The following SAFB2 variants were observed in gnomAD, a reference collection of about 807,000 sequenced individuals.
SAFB2 encodes scaffold attachment factor B2.
A neutral mutation model predicts 100.6 loss-of-function variants in SAFB2; 32 were observed. The ratio of observed to expected loss-of-function variants is 0.32; its 90% CI spans 0.24 to 0.43. The LOEUF (loss-of-function observed/expected upper bound fraction) is 0.43. SAFB2 is among the 20% of genes least tolerant of loss of function. The pLI, the probability that SAFB2 is intolerant of heterozygous loss-of-function variation, is 1.00. For missense variants in SAFB2, 1,185 were observed against 1,163.4 expected, an observed-to-expected ratio of 1.02 and a Z score of -0.27; for synonymous variants, 500 against 439.4, an observed-to-expected ratio of 1.14 and a Z score of -1.72.
At position 5,587,106 on chromosome 19, in the gene SAFB2, G is replaced by T; in HGVS notation, c.*137C>A. ...ATTTATTTAAAAAAAAAAAAAAAGT[G>T]AGTTCACATTGTATTGAGCTACAAC... On this transcript the variant is annotated 3_prime_UTR_variant, in exon 21 of 21. Coordinates refer to ENST00000252542, the MANE Select transcript of SAFB2 (RefSeq NM_014649.3). This position sits in a 1 kb window ranked among gnomAD's most constrained non-coding sequence, Gnocchi z 4.9. The T allele has an allele frequency of 3.9e-6, 4 of 1,038,354 alleles. No homozygotes were observed. The highest frequency in any genetic ancestry group is 2.4e-5 in the Admixed American group (1 of 40,982). The allele number at this position is 1,038,354 out of a possible 1,614,324, so 64.3% of individuals were successfully genotyped here.
rs1248524502 is a variant in SAFB2 at position 5,622,765 on chromosome 19, T to G, written c.-50A>C. 1.9e-6 allele frequency: 3 copies of G among 1,549,348 alleles called. No homozygotes were observed. The East Asian group carries it at 7.2e-5, about 37-fold the overall frequency. On this transcript the variant is annotated 5_prime_UTR_variant, in exon 1 of 21. Coordinates refer to ENST00000252542, the MANE Select transcript of SAFB2 (RefSeq NM_014649.3). ...GACTCAGTCGCACACCGCCGGCAGC[T>G]ATAGCGGCTCTGAACACAAAATGGC...
chr19:5,595,210 CCT>C, intron 14 of SAFB2, 149 bp downstream of exon 14: 1 of 1,044,024 alleles, frequency 9.6e-7, no homozygotes, highest in Non-Finnish European at 1.4e-6. Context: ...GGTGCTGGCC[CCT>C]GCCTCGAGGA....
At chr19:5,618,986 A>T (rs1490718488) in intron 2 of SAFB2, among the ~76,000 whole-genome samples, 1 of 152,222 alleles carries the variant, frequency 6.6e-6, no homozygotes, top group African/African-American at 2.4e-5. Flanking sequence ...TAATGAGGAC[A>T]CTTTTCCCTC....
At chr19:5,609,611 CACAAG>C (rs1188323623) in intron 9 of SAFB2, among the ~76,000 whole-genome samples, 1 of 152,130 alleles carries the variant, frequency 6.6e-6, no homozygotes, top group Non-Finnish European at 1.5e-5. Flanking sequence ...TTAAGTTTTG[CACAAG>C]ACAAAAGACC....
chr19:5,591,010 GC>G (rs2052386680), intron 17 of SAFB2, among the ~76,000 whole-genome samples: 1 of 152,118 alleles, frequency 6.6e-6, no homozygotes, highest in African/African-American at 2.4e-5. Context: ...GTGGTCTTCA[GC>G]CCCCCGTGCC....
At position 5,587,808 on chromosome 19, in the gene SAFB2, G is replaced by A. The variant is rs757427335; in HGVS notation, c.2639-41C>T. ...GGTCTGCAAACACTCCGTTCCTGGG[G>A]AAGCCCCTGGACACATGTGGGGGCC... is the stretch of plus-strand genomic sequence containing the variant. On this transcript the variant is annotated intron_variant, in intron 19 of 20. Coordinates refer to ENST00000252542, the MANE Select transcript of SAFB2 (RefSeq NM_014649.3). This position sits in a 1 kb window ranked among gnomAD's most constrained non-coding sequence, Gnocchi z 4.9. The A allele has an allele frequency of 1.2e-4, 190 of 1,562,748 alleles. No homozygotes were observed. Among genetic ancestry groups the A allele is most frequent in the Admixed American group, 4.2e-4 (22 of 52,326 alleles).
Position 5,587,946 on chromosome 19 carries a change from G to A in SAFB2, c.2560C>T (p.Leu854=). 6.2e-7 allele frequency: 1 copy of A among 1,612,980 alleles called. No individual in the cohort carries two copies. Among genetic ancestry groups the A allele is most frequent in the Non-Finnish European group, 8.5e-7 (1 of 1,179,922 alleles). ...CAGGCGCGTGCCTGGTGCTCCTCTA[G>A]CCGCTGGTTGTGCTCTCCCCAGTCA... ...GRDWGEHNQR[L]EEHQARAWQG... The change falls in exon 19 of 21, where the codon CTA becomes TTA. Residue 854 remains leucine, a synonymous_variant. Coordinates refer to ENST00000252542, the MANE Select transcript of SAFB2 (RefSeq NM_014649.3). This position sits in a 1 kb window ranked among gnomAD's most constrained non-coding sequence, Gnocchi z 4.9.
chr19:5,590,781 G>A (rs1230230803), intron 17 of SAFB2, among the ~76,000 whole-genome samples: 1 of 152,182 alleles, frequency 6.6e-6, no homozygotes, highest in African/African-American at 2.4e-5. Flanking sequence ...CAGCCCCCCT[G>A]TGCTCTGGCA....
chr19:5,613,252 CTTCT>C (rs1227008244), intron 5 of SAFB2, among the ~76,000 whole-genome samples: 2 of 152,210 alleles, frequency 1.3e-5, no homozygotes, highest in Non-Finnish European at 2.9e-5. Context: ...CCTCATCACA[CTTCT>C]TTCTCCCTTC....
chr19:5,591,598 G>A (rs944941610), intron 17 of SAFB2, 150 bp downstream of exon 17: 6 of 657,352 alleles, frequency 9.1e-6, no homozygotes, highest in Non-Finnish European at 1.6e-5. Flanking sequence ...ACTTCTAGTC[G>A]CTGGCCAGAA....
intron 16 of SAFB2, 90 bp from the exon 17 acceptor site, chr19:5,591,883 T>A: frequency 8.2e-7 from 1 of 1,214,982 alleles, no homozygotes; most frequent in Non-Finnish European, 1.2e-6. Context: ...GGATACTTTT[T>A]CCATCCCATC....
intron 2 of SAFB2, among the ~76,000 whole-genome samples, chr19:5,618,823 G>A (rs1049778259): frequency 2.0e-5 from 3 of 152,238 alleles, no homozygotes; most frequent in African/African-American, 7.2e-5. Flanking sequence ...ACGAAAAGCT[G>A]CCGCTGCTGG....
intron 18 of SAFB2, among the ~76,000 whole-genome samples, chr19:5,589,592 G>C (rs547861900): frequency 6.6e-6 from 1 of 152,210 alleles, no homozygotes; most frequent in East Asian, 1.9e-4. Flanking sequence ...GCCTCCTCAC[G>C]GCCAGCCCAG....
rs781441191 is a variant in SAFB2, at chr19:5,592,730, G to T, written c.2348+17C>A. ...CCCACAATGACTGTAGCTAAAGGAG[G>T]GGACAAGACCACTGACCTGTCGATG... On this transcript the variant is annotated intron_variant, in intron 16 of 20. Transcript: ENST00000252542. 8 of 1,613,412 alleles carry T rather than the reference G, an allele frequency of 5.0e-6. No homozygotes were observed. The East Asian group carries it at 1.8e-4, about 36-fold the overall frequency.
chr19:5,613,960 C>T (rs2052967568), intron 4 of SAFB2, among the ~76,000 whole-genome samples: 1 of 152,184 alleles, frequency 6.6e-6, no homozygotes. Flanking sequence ...CATTCATTCA[C>T]TCATTCATTT....
rs80203600 is a variant in SAFB2, at chr19:5,600,853, A to T, written c.1560-593T>A. Among the ~76,000 whole-genome samples, 465 of 152,348 alleles carry T rather than the reference A, an allele frequency of 3.1e-3. 1 individual carries two copies. The highest frequency in any genetic ancestry group is 0.011 in the African/African-American group (449 of 41,580). On this transcript the variant is annotated intron_variant, in intron 11 of 20. Coordinates refer to ENST00000252542, the MANE Select transcript of SAFB2 (RefSeq NM_014649.3). ...GTTAAGTGCCATTTCAACCAAAGGC[A>T]ACTTTCTTCTAAGCAGTGAAATAAA... is the stretch of plus-strand genomic sequence containing the variant.
At chr19:5,604,531 C>T in intron 11 of SAFB2, 52 bp downstream of exon 11, 4 of 1,401,224 alleles carry the variant, frequency 2.9e-6, no homozygotes, top group Non-Finnish European at 4.0e-6. Flanking sequence ...ATGGTGGCTG[C>T]CCGTGCCCTC....
At chr19:5,601,643 T>G (rs1216321957) in intron 11 of SAFB2, among the ~76,000 whole-genome samples, 1 of 151,656 alleles carries the variant, frequency 6.6e-6, no homozygotes, top group Non-Finnish European at 1.5e-5. Flanking sequence ...ACCCAGGAGG[T>G]GGAGGTTGCA....
intron 6 of SAFB2, chr19:5,612,145 A>G (rs1364314474): frequency 3.0e-6 from 1 of 329,146 alleles, no homozygotes; most frequent in Non-Finnish European, 5.6e-6. Context: ...GAATCCAGTC[A>G]CTTCTCAGGT....
Sources: allele counts gnomAD v4.1 joint callset (sites outside exome capture counted in the v4.1 genomes callset), GRCh38; gene constraint gnomAD v4.1.1; non-coding constraint Gnocchi (gnomAD v3.1); transcripts MANE v1.5; gene names NCBI Gene and HGNC (gene_info 2026-07-23, HGNC 2026-07-21).